OXSR1: variants seen among roughly 807,000 people sequenced by gnomAD.
OXSR1 encodes serine/threonine-protein kinase OSR1.
Under a neutral mutation model 79.8 loss-of-function variants are expected in OXSR1, and 24 were observed. The observed-to-expected ratio is 0.30, with a 90% CI of 0.22 to 0.42. The LOEUF (loss-of-function observed/expected upper bound fraction) is 0.42, where lower values mean the gene tolerates loss of function less well. OXSR1 is among the 10% of genes least tolerant of loss of function. The pLI, the probability that OXSR1 is intolerant of heterozygous loss-of-function variation, is 1.00. For missense variants in OXSR1, 430 were observed against 618.4 expected, an observed-to-expected ratio of 0.70 and a Z score of 3.23; for synonymous variants, 226 against 209.2, an observed-to-expected ratio of 1.08 and a Z score of -0.69.
chr3:38,216,090 T>A lies in OXSR1; in HGVS notation c.435-6T>A. The A allele has an allele frequency of 6.4e-7, 1 of 1,571,604 alleles. No individual in the cohort carries two copies. The highest frequency in any genetic ancestry group is 8.7e-7 in the Non-Finnish European group (1 of 1,152,658). ...TTGATACATAACTTTTTTTTTTTTT[T>A]TAAAGAGATGTGAAAGCTGGAAACA... On this transcript the variant is annotated splice_region_variant and splice_polypyrimidine_tract_variant and intron_variant, in intron 4 of 17. Transcript: ENST00000311806.
Position 38,223,927 on chromosome 3 carries a change from TC to T in OXSR1, c.702+16del. On this transcript the variant is annotated intron_variant, in intron 7 of 17. Coordinates refer to ENST00000311806, the MANE Select transcript of OXSR1 (RefSeq NM_005109.3). ...CCACCAATGAAGGTGAGGCTTGTAT[TC>T]CAAATACTACCCCAGCTCAAGTCCC... 1 of 1,488,776 alleles carries T rather than the reference TC, an allele frequency of 6.7e-7. No homozygotes were observed. Among genetic ancestry groups the T allele is most frequent in the Non-Finnish European group, 9.3e-7 (1 of 1,073,310 alleles). 92.2% of individuals were successfully genotyped at this position (1,488,776 alleles called of 1,614,324 possible). A position where few individuals can be genotyped will look rare whatever the true frequency, so the allele number is the denominator to read the frequency against.
rs1048974546 is a variant in OXSR1, at chr3:38,165,796, G to C, written c.-81G>C. 1 of 1,277,826 alleles carries C rather than the reference G, an allele frequency of 7.8e-7. No individual in the cohort carries two copies. The highest frequency in any genetic ancestry group is 1.1e-6 in the Non-Finnish European group (1 of 901,532). The allele number at this position is 1,277,826 out of a possible 1,614,324, so 79.2% of individuals were successfully genotyped here. ...GGGCGCGGCGGCGGCGGCGGCGGCTGTTGGGGGTGGGGAGACGCGCGGCGA... is the reference window on the plus strand; with the variant it reads ...GGGCGCGGCGGCGGCGGCGGCGGCTCTTGGGGGTGGGGAGACGCGCGGCGA... On this transcript the variant is annotated 5_prime_UTR_variant, in exon 1 of 18. Coordinates refer to ENST00000311806, the MANE Select transcript of OXSR1 (RefSeq NM_005109.3).
rs549707421 is a variant in OXSR1 at position 38,240,900 on chromosome 3, G to A, written c.1075-1843G>A. Among the ~76,000 whole-genome samples the A allele has an allele frequency of 3.3e-5, 5 of 152,174 alleles. No individual in the cohort carries two copies. In the East Asian group the frequency reaches 5.8e-4, roughly 18 times the overall value. The stretch of plus-strand genomic sequence containing the variant: ...GGGAAAAGGAATGGTTCTTCATTGC[G>A]GTAGGCTACCAAGTGCTGACCAGTA... On this transcript the variant is annotated intron_variant, in intron 11 of 17. Transcript: ENST00000311806.
chr3:38,222,257 A>G (rs575223155), intron 6 of OXSR1, among the ~76,000 whole-genome samples: 1 of 152,314 alleles, frequency 6.6e-6, no homozygotes, highest in South Asian at 2.1e-4. Flanking sequence ...GAGGAGGATA[A>G]CTGCATGCTG....
intron 13 of OXSR1, among the ~76,000 whole-genome samples, chr3:38,247,449 T>G (rs35028175): frequency 0.012 from 1,779 of 152,284 alleles, 39 homozygotes; most frequent in African/African-American, 0.041. Context: ...CTTGAGAGTT[T>G]TCTTTCTCAT....
At chr3:38,178,618 A>G (rs1385326602) in intron 1 of OXSR1, among the ~76,000 whole-genome samples, 1 of 86,742 alleles carries the variant, frequency 1.2e-5, no homozygotes, top group Non-Finnish European at 2.2e-5. Flanking sequence ...ATATATATAT[A>G]TATTTTTTTT....
intron 4 of OXSR1, among the ~76,000 whole-genome samples, chr3:38,209,633 C>CTTTTTT (rs36124151): frequency 2.3e-5 from 3 of 132,228 alleles, no homozygotes; most frequent in African/African-American, 8.6e-5. Context: ...ATCAATTATA[C>CTTTTTT]TTTTTTTTTT....
At position 38,254,918 on chromosome 3, in the gene OXSR1, G is replaced by A. The variant is rs902887078; in HGVS notation, c.*2027G>A. On this transcript the variant is annotated 3_prime_UTR_variant, in exon 18 of 18. Coordinates refer to ENST00000311806, the MANE Select transcript of OXSR1 (RefSeq NM_005109.3). ...CAGTCATGGCAAATAGAATTGGGCT[G>A]GGGTTTCTCCTTCTTTTCAGTTCAT... is the stretch of plus-strand genomic sequence containing the variant. The A allele has an allele frequency of 6.6e-6, 1 of 152,576 alleles. No individual in the cohort carries two copies. Among genetic ancestry groups the A allele is most frequent in the Non-Finnish European group, 1.5e-5 (1 of 68,068 alleles). The allele number at this position is 152,576 out of a possible 1,614,324, so 9.5% of individuals were successfully genotyped here.
chr3:38,254,490 C>T lies in OXSR1; in HGVS notation c.*1599C>T, dbSNP rs537092217. ...GAGAGTAGGTGAGATGATCAGACAC[C>T]GGAGTTCAACGTCCCAGCAGTCTTG... On this transcript the variant is annotated 3_prime_UTR_variant, in exon 18 of 18. Coordinates refer to ENST00000311806, the MANE Select transcript of OXSR1 (RefSeq NM_005109.3). 9.5e-5 allele frequency: 35 copies of T among 369,308 alleles called. No individual in the cohort carries two copies. In the Middle Eastern group the frequency reaches 2.1e-3, roughly 22 times the overall value. 22.9% of individuals were successfully genotyped at this position (369,308 alleles called of 1,614,324 possible). A position where few individuals can be genotyped will look rare whatever the true frequency, so the allele number is the denominator to read the frequency against.
At chr3:38,209,699 A>G (rs1337014308) in intron 4 of OXSR1, among the ~76,000 whole-genome samples, 1 of 150,484 alleles carries the variant, frequency 6.6e-6, no homozygotes, top group Non-Finnish European at 1.5e-5. Context: ...CAGTGGCGCA[A>G]TCTCGGCTCA....
chr3:38,173,211 C>G (rs755140512), intron 1 of OXSR1, among the ~76,000 whole-genome samples: 2 of 152,160 alleles, frequency 1.3e-5, no homozygotes, highest in Non-Finnish European at 2.9e-5. Flanking sequence ...TCAGGATTAT[C>G]TTACTAAAGA....
intron 11 of OXSR1, among the ~76,000 whole-genome samples, chr3:38,238,725 G>A (rs1405644103): frequency 6.6e-6 from 1 of 151,708 alleles, no homozygotes; most frequent in East Asian, 1.9e-4. Flanking sequence ...TTCCCTGGCT[G>A]CTTTTAAGAT....
At chr3:38,196,182 G>A (rs946634822) in intron 3 of OXSR1, among the ~76,000 whole-genome samples, 16 of 152,116 alleles carry the variant, frequency 1.1e-4, no homozygotes, top group African/African-American at 3.4e-4. Context: ...TACTACATAC[G>A]CGGTTATAAC....
intron 1 of OXSR1, among the ~76,000 whole-genome samples, chr3:38,168,449 A>AT (rs1701510536): frequency 6.6e-6 from 1 of 152,132 alleles, no homozygotes; most frequent in Admixed American, 6.5e-5. Context: ...ATCATATAAC[A>AT]TGTGGTCTTT....
At chr3:38,198,617 C>T in intron 3 of OXSR1, 105 bp from the exon 4 acceptor site, 2 of 733,022 alleles carry the variant, frequency 2.7e-6, no homozygotes, top group Non-Finnish European at 4.2e-6. Flanking sequence ...CATTTCTGCA[C>T]AGTTAAGTTT....
chr3:38,235,707 T>TC (rs1238251446), intron 10 of OXSR1, among the ~76,000 whole-genome samples: 2 of 152,210 alleles, frequency 1.3e-5, no homozygotes, highest in African/African-American at 4.8e-5. Context: ...CAGCAGCACT[T>TC]CTGGAAGCCA....
chr3:38,178,051 C>G, intron 1 of OXSR1, among the ~76,000 whole-genome samples: 1 of 152,150 alleles, frequency 6.6e-6, no homozygotes, highest in Non-Finnish European at 1.5e-5. Context: ...CAGCTTCAAG[C>G]AATTCTTGTG....
intron 11 of OXSR1, among the ~76,000 whole-genome samples, chr3:38,237,958 A>G (rs2125847842): frequency 6.6e-6 from 1 of 152,328 alleles, no homozygotes; most frequent in South Asian, 2.1e-4. Flanking sequence ...TGAATTTTAT[A>G]GTTCTACCTT....
At chr3:38,231,551 T>TC (rs1575360079) in intron 10 of OXSR1, among the ~76,000 whole-genome samples, 1 of 152,258 alleles carries the variant, frequency 6.6e-6, no homozygotes, top group East Asian at 1.9e-4. Context: ...TGACTCTCTA[T>TC]CCCTTTACCC....
Sources: allele counts gnomAD v4.1 joint callset (sites outside exome capture counted in the v4.1 genomes callset), GRCh38; gene constraint gnomAD v4.1.1; transcripts MANE v1.5; gene names NCBI Gene and HGNC (gene_info 2026-07-23, HGNC 2026-07-21).